The following MDK variants were observed in gnomAD, a reference collection of about 807,000 sequenced individuals.
MDK encodes midkine, also known as amphiregulin-associated protein.
Under a neutral mutation model 18.9 loss-of-function variants are expected in MDK, and 17 were observed. That is an observed-to-expected ratio of 0.90 (90% CI 0.62 to 1.35). MDK has a LOEUF of 1.35. MDK is among the 40% of genes most tolerant of loss of function. The probability of loss-of-function intolerance (pLI) is 0.00; values close to 1 mark genes in which losing one functional copy is unlikely to be tolerated. For synonymous variants in MDK, 86 were observed against 74.3 expected (o/e 1.16, Z -0.81); for missense variants, 180 against 186.3 (o/e 0.97, Z 0.20).
intron 4 of MDK, 85 bp from the exon 5 acceptor site, chr11:46,383,384 T>G: frequency 9.5e-7 from 1 of 1,052,770 alleles, no homozygotes; most frequent in East Asian, 2.4e-5. Context: ...CCTTCCCTGA[T>G]GCCCGGGTGT....
intron 1 of MDK, 43 bp from the exon 2 acceptor site, chr11:46,382,014 G>A: frequency 6.4e-7 from 1 of 1,557,800 alleles, no homozygotes; most frequent in Non-Finnish European, 8.7e-7. Flanking sequence ...CCCCGGTGGG[G>A]AAGGGGACGG....
Position 46,382,629 on chromosome 11 carries a change from G to A in MDK, c.287G>A (p.Gly96Glu), listed in dbSNP as rs1349992466. The change falls in exon 4 of 5, where the codon GGG (glycine) becomes GAG (glutamate). Residue 96 changes from glycine to glutamate, a missense_variant. Transcript: ENST00000395566. ...YKFENWGACD[G>E]GTGTKVRQGT... ...TTTGAGAACTGGGGTGCGTGTGATG[G>A]GGGCACAGGCACCAAAGTCCGCCAA... The A allele has an allele frequency of 1.2e-6, 2 of 1,612,588 alleles. No individual in the cohort carries two copies. Among genetic ancestry groups the A allele is most frequent in the African/African-American group, 1.3e-5 (1 of 74,910 alleles).
In MDK at chr11:46,382,062, A is replaced by C; in HGVS notation, c.5A>C (p.Gln2Pro). M[Q>P]HRGFLLLTLL... The stretch of plus-strand genomic sequence containing the variant: ...GACTCGGGCTCTCCCCTCAGGATGC[A>C]GCACCGAGGCTTCCTCCTCCTCACC... Residue 2 changes from glutamine (Q) to proline (P), a missense_variant, in exon 2 of 5, where the codon CAG becomes CCG. Coordinates refer to ENST00000395566, the MANE Select transcript of MDK (RefSeq NM_002391.6). 6.2e-7 allele frequency: 1 copy of C among 1,607,338 alleles called. No homozygotes were observed. The highest frequency in any genetic ancestry group is 2.2e-5 in the East Asian group (1 of 44,746).
Position 46,382,421 on chromosome 11 carries a change from C to G in MDK, c.204C>G (p.Ile68Met). Residue 68 changes from isoleucine to methionine, a missense_variant, in exon 3 of 5, where the codon ATC becomes ATG. Coordinates refer to ENST00000395566, the MANE Select transcript of MDK (RefSeq NM_002391.6). ...CCTGCGGGGCCCAGACCCAGCGCAT[C>G]CGGTGCAGGGTGCCCTGCAACTGGA... Reference protein sequence around the residue: ...EGTCGAQTQRIRCRVPCNWKK... With the variant: ...EGTCGAQTQRMRCRVPCNWKK... 1 of 1,537,014 alleles carries G rather than the reference C, an allele frequency of 6.5e-7. No individual in the cohort carries two copies. Among genetic ancestry groups the G allele is most frequent in the South Asian group, 1.3e-5 (1 of 79,786 alleles).
In MDK at chr11:46,382,116, C is replaced by T. The variant is rs1440656578; in HGVS notation, c.59C>T (p.Ala20Val). ...TLLALLALTS[A>V]VAKKKDKVKK... The stretch of plus-strand genomic sequence containing the variant: ...CTCGCCCTGCTGGCGCTCACCTCCG[C>T]GGTCGCCAAAAAGAAAGGTGATGGG... The change falls in exon 2 of 5, where the codon GCG (alanine) becomes GTG (valine). Residue 20 changes from alanine (A) to valine (V), a missense_variant. Coordinates refer to ENST00000395566, the MANE Select transcript of MDK (RefSeq NM_002391.6). 3 of 1,610,976 alleles carry T rather than the reference C, an allele frequency of 1.9e-6. No individual in the cohort carries two copies. Among genetic ancestry groups the T allele is most frequent in the African/African-American group, 2.7e-5 (2 of 74,862 alleles).
intron 1 of MDK, 80 bp from the exon 2 acceptor site, chr11:46,381,977 C>T: frequency 7.0e-7 from 1 of 1,426,716 alleles, no homozygotes; most frequent in Non-Finnish European, 9.6e-7. Context: ...GTGGAGCACG[C>T]GGAGGTGGGA....
intron 3 of MDK, 37 bp downstream of exon 3, chr11:46,382,498 G>A (rs1945238651): frequency 2.0e-6 from 3 of 1,530,932 alleles, no homozygotes; most frequent in Non-Finnish European, 2.6e-6. Flanking sequence ...GGAGACGGGG[G>A]GCACAGCCTC....
Position 46,382,188 on chromosome 11 carries a change from T to C in MDK, c.76+55T>C, listed in dbSNP as rs1032513346. The stretch of plus-strand genomic sequence containing the variant: ...GGACGGGCAGGCGAGGCCCCTCCAC[T>C]TCTGGGCTGGGCCGCCTGGGTTCCT... On this transcript the variant is annotated intron_variant, in intron 2 of 4. Coordinates refer to ENST00000395566, the MANE Select transcript of MDK (RefSeq NM_002391.6). 12 of 1,606,846 alleles carry C rather than the reference T, an allele frequency of 7.5e-6. No homozygotes were observed. In the East Asian group the frequency reaches 2.0e-4, roughly 27 times the overall value.
chr11:46,383,757 C>T lies in MDK; in HGVS notation c.*263C>T. 1.7e-6 allele frequency: 1 copy of T among 599,840 alleles called. No individual in the cohort carries two copies. Among genetic ancestry groups the T allele is most frequent in the South Asian group, 1.7e-5 (1 of 60,338 alleles). 37.2% of individuals were successfully genotyped at this position (599,840 alleles called of 1,614,324 possible). A position where few individuals can be genotyped will look rare whatever the true frequency, so the allele number is the denominator to read the frequency against. On this transcript the variant is annotated 3_prime_UTR_variant, in exon 5 of 5. Coordinates refer to ENST00000395566, the MANE Select transcript of MDK (RefSeq NM_002391.6). ...CCCGCTTTTGTTCTTCCCCACAATT[C>T]CATTACTAAGAAACACATCAAATAA...
At chr11:46,382,798 C>CA in intron 4 of MDK, 50 bp downstream of exon 4, 4 of 1,509,998 alleles carry the variant, frequency 2.6e-6, no homozygotes, top group Non-Finnish European at 2.7e-6. Flanking sequence ...CTGCCCCCCC[C>CA]CCCCCCCGCC....
rs192479266 is a variant in MDK, at chr11:46,383,289, A to G, written c.407-180A>G. 8.1e-4 allele frequency: 448 copies of G among 555,670 alleles called. 3 individuals are homozygous for G. Among genetic ancestry groups the G allele is most frequent in the African/African-American group, 7.7e-3 (406 of 52,792 alleles). 34.4% of individuals were successfully genotyped at this position (555,670 alleles called of 1,614,324 possible). On this transcript the variant is annotated intron_variant, in intron 4 of 4. Coordinates refer to ENST00000395566, the MANE Select transcript of MDK (RefSeq NM_002391.6). ...CCCAAGTGGAAATAGGAAGCTGGGG[A>G]TGTCCCATGTCCACATCACAATGGC...
At chr11:46,382,955 C>G in intron 4 of MDK, 2 of 627,070 alleles carry the variant, frequency 3.2e-6, no homozygotes, top group Non-Finnish European at 2.8e-6. Flanking sequence ...GACATAAATC[C>G]TCCCTGGCCC....
At chr11:46,382,973 G>T (rs1464488025) in intron 4 of MDK, 2 of 598,128 alleles carry the variant, frequency 3.3e-6, no homozygotes, top group Admixed American at 5.9e-5. Flanking sequence ...CCCAAATAGG[G>T]ACCAACTCAA....
chr11:46,383,368 T>A lies in MDK; in HGVS notation c.407-101T>A, dbSNP rs1945278321. The stretch of plus-strand genomic sequence containing the variant: ...GATTGGAAACCACTAGGGGGCAGAA[T>A]CTTCTCCTTCCCTGATGCCCGGGTG... On this transcript the variant is annotated intron_variant, in intron 4 of 4. Transcript: ENST00000395566. The A allele has an allele frequency of 1.8e-5, 16 of 913,352 alleles. No homozygotes were observed. In the East Asian group the frequency reaches 4.0e-4, roughly 23 times the overall value. 56.6% of individuals were successfully genotyped at this position (913,352 alleles called of 1,614,324 possible).
chr11:46,383,596 TGCTCGTTA>T lies in MDK; in HGVS notation c.*106_*113del. On this transcript the variant is annotated 3_prime_UTR_variant, in exon 5 of 5. Transcript: ENST00000395566. Reference sequence around the variant, plus strand: ...ATGTGACCCACCAGTGCCTTCTGTCTGCTCGTTAGCTTTAATCAATCATGCCCTGCCTT... The same window carrying T: ...ATGTGACCCACCAGTGCCTTCTGTCTGCTTTAATCAATCATGCCCTGCCTT... 4.8e-6 allele frequency: 5 copies of T among 1,041,394 alleles called. No homozygotes were observed. Among genetic ancestry groups the T allele is most frequent in the Non-Finnish European group, 7.5e-6 (5 of 665,686 alleles). 64.5% of individuals were successfully genotyped at this position (1,041,394 alleles called of 1,614,324 possible). A position where few individuals can be genotyped will look rare whatever the true frequency, so the allele number is the denominator to read the frequency against.
rs897866223 is a variant in MDK at position 46,382,078 on chromosome 11, C to T, written c.21C>T (p.Leu7=). Residue 7 remains leucine, a synonymous_variant, in exon 2 of 5, where the codon CTC becomes CTT. Coordinates refer to ENST00000395566, the MANE Select transcript of MDK (RefSeq NM_002391.6). MQHRGF[L]LLTLLALLAL... ...TCAGGATGCAGCACCGAGGCTTCCTCCTCCTCACCCTCCTCGCCCTGCTGG... is the reference window on the plus strand; with the variant it reads ...TCAGGATGCAGCACCGAGGCTTCCTTCTCCTCACCCTCCTCGCCCTGCTGG... 2.5e-6 allele frequency: 4 copies of T among 1,609,738 alleles called. No individual in the cohort carries two copies. Among genetic ancestry groups the T allele is most frequent in the Middle Eastern group, 1.7e-4 (1 of 6,008 alleles).
At chr11:46,382,947 C>T (rs1945268189) in intron 4 of MDK, 199 bp downstream of exon 4, 1 of 644,932 alleles carries the variant, frequency 1.6e-6, no homozygotes, top group Non-Finnish European at 2.7e-6. Flanking sequence ...ATGCTGGGGA[C>T]ATAAATCCTC....
intron 4 of MDK, 193 bp from the exon 5 acceptor site, chr11:46,383,276 T>C (rs1945275899): frequency 3.7e-6 from 2 of 540,158 alleles, no homozygotes; most frequent in African/African-American, 3.8e-5. Flanking sequence ...CAAGTGGAAA[T>C]AGGAAGCTGG....
chr11:46,382,519 G>A (rs902943489), intron 3 of MDK, 58 bp downstream of exon 3: 5 of 1,549,386 alleles, frequency 3.2e-6, no homozygotes, highest in African/African-American at 2.7e-5. Context: ...GCCGAAGCCT[G>A]GGCGGACCCT....
Sources: allele counts gnomAD v4.1 joint callset, GRCh38; gene constraint gnomAD v4.1.1; transcripts MANE v1.5; gene names NCBI Gene and HGNC (gene_info 2026-07-23, HGNC 2026-07-21).